The following MYBL2 variants were observed in gnomAD, a reference collection of about 807,000 sequenced individuals.
The protein encoded by MYBL2 is myb-related protein B.
A neutral mutation model predicts 79.9 loss-of-function variants in MYBL2; 28 were observed. The ratio of observed to expected loss-of-function variants is 0.35; its 90% CI spans 0.26 to 0.48. MYBL2 has a LOEUF of 0.48. Among genes scored for constraint, MYBL2 ranks in the 20% least tolerant of loss-of-function variants. The pLI is 0.99. For missense variants in MYBL2, 735 were observed against 893.9 expected (o/e 0.82, Z 2.27); for synonymous variants, 378 against 361.2 (o/e 1.05, Z -0.53).
intron 13 of MYBL2, 56 bp from the exon 14 acceptor site, chr20:43,715,903 G>T (rs1280927692): frequency 1.8e-5 from 28 of 1,550,318 alleles, no homozygotes; most frequent in Non-Finnish European, 2.4e-5. Flanking sequence ...GATCACCAGG[G>T]TCTGTTGGGA....
chr20:43,692,012 C>G, intron 5 of MYBL2, 145 bp from the exon 6 acceptor site: 1 of 691,288 alleles, frequency 1.4e-6, no homozygotes, highest in Non-Finnish European at 2.4e-6. Context: ...GAGACTTCAT[C>G]TTGGAACTGA....
chr20:43,715,848 GCT>G, intron 13 of MYBL2, 109 bp from the exon 14 acceptor site: 1 of 1,390,310 alleles, frequency 7.2e-7, no homozygotes. Context: ...GAAGGCTCTG[GCT>G]TCTAGGGGAG....
chr20:43,705,940 TCCTCCTGCCTCAGCCTC>T (rs1263550213), intron 9 of MYBL2, among the ~76,000 whole-genome samples: 11 of 152,068 alleles, frequency 7.2e-5, no homozygotes, highest in Non-Finnish European at 1.6e-4. Flanking sequence ...GACCTCGTGA[TCCTCCTGCCTCAGCCTC>T]CCAAAATGCT....
chr20:43,677,854 G>A (rs1000960639), intron 2 of MYBL2, among the ~76,000 whole-genome samples: 2 of 152,242 alleles, frequency 1.3e-5, no homozygotes, highest in Non-Finnish European at 2.9e-5. Context: ...CAGTTTTGTG[G>A]AATAGAAAGA....
chr20:43,683,365 G>A (rs192311732), intron 4 of MYBL2, among the ~76,000 whole-genome samples: 3 of 152,232 alleles, frequency 2.0e-5, no homozygotes, highest in African/African-American at 7.2e-5. Flanking sequence ...CCATTTTATA[G>A]ATGGAGAGAG....
Position 43,705,205 on chromosome 20 carries a change from CTCT to C in MYBL2, c.1366-9_1366-7del, listed in dbSNP as rs1568874722. 3.7e-6 allele frequency: 6 copies of C among 1,613,158 alleles called. No individual in the cohort carries two copies. Among genetic ancestry groups the C allele is most frequent in the Admixed American group, 1.7e-5 (1 of 59,864 alleles). Reference sequence around the variant, plus strand: ...GTCATCATTTTGTCTTGTTCCCTCTCTCTTCTTTGGCAGTTTCTGAACTTCTGG... The same window carrying C: ...GTCATCATTTTGTCTTGTTCCCTCTCTCTTTGGCAGTTTCTGAACTTCTGG... On this transcript the variant is annotated splice_polypyrimidine_tract_variant and intron_variant, in intron 8 of 13. Transcript: ENST00000217026.
Position 43,683,550 on chromosome 20 carries a change from C to CCTTTTT in MYBL2, c.279+664_279+665insCTTTTT, listed in dbSNP as rs764273305. Among the ~76,000 whole-genome samples the CCTTTTT allele has an allele frequency of 1.9e-4, 24 of 126,446 alleles. 9 individuals carry two copies. Among genetic ancestry groups the CCTTTTT allele is most frequent in the Non-Finnish European group, 1.7e-4 (10 of 59,780 alleles). 83.0% of individuals were successfully genotyped at this position (126,446 alleles called of 152,430 possible). On this transcript the variant is annotated intron_variant, in intron 4 of 13. Transcript: ENST00000217026. ...AAAGAGGGAGATGAAGGGAACTAGG[C>CCTTTTT]ATTTTTTTTTTTTTTTTTTTTGAGA...
At chr20:43,668,283 C>T (rs1568841365) in intron 1 of MYBL2, among the ~76,000 whole-genome samples, 1 of 151,212 alleles carries the variant, frequency 6.6e-6, no homozygotes, top group Non-Finnish European at 1.5e-5. Flanking sequence ...TCACTGCAAC[C>T]TCCGCCTCCC....
intron 1 of MYBL2, among the ~76,000 whole-genome samples, chr20:43,671,893 T>G (rs1032526266): frequency 6.6e-6 from 1 of 151,554 alleles, no homozygotes; most frequent in African/African-American, 2.4e-5. Flanking sequence ...TTTTTTTTTT[T>G]CCCCTACAGC....
chr20:43,686,738 A>T (rs1987283265), intron 4 of MYBL2, 114 bp from the exon 5 acceptor site: 6 of 984,970 alleles, frequency 6.1e-6, no homozygotes, highest in Non-Finnish European at 9.1e-6. Context: ...GCCTGAGGGG[A>T]TGTGGTAGGT....
intron 4 of MYBL2, among the ~76,000 whole-genome samples, chr20:43,685,813 G>A (rs1383097846): frequency 1.3e-5 from 2 of 151,900 alleles, no homozygotes; most frequent in East Asian, 2.0e-4. Flanking sequence ...CAAGTCGGGC[G>A]GATCACCTGA....
chr20:43,680,551 G>A (rs1254101315), intron 2 of MYBL2, among the ~76,000 whole-genome samples: 1 of 152,118 alleles, frequency 6.6e-6, no homozygotes, highest in Non-Finnish European at 1.5e-5. Context: ...AGGCTGGAGT[G>A]CAGTGGCATG....
Position 43,711,603 on chromosome 20 carries a change from T to G in MYBL2, c.1719+2T>G, listed in dbSNP as rs773262968. On this transcript the variant is annotated splice_donor_variant, in intron 11 of 13. Coordinates refer to ENST00000217026, the MANE Select transcript of MYBL2 (RefSeq NM_002466.4). LOFTEE classifies it high-confidence loss of function. ...GAGAAGCAGAAGAGGAAGCCTGGGG[T>G]GAGTAGGGTAGGGGTGGGAGAGCCT... 5 of 1,603,000 alleles carry G rather than the reference T, an allele frequency of 3.1e-6. No homozygotes were observed. Among genetic ancestry groups the G allele is most frequent in the Non-Finnish European group, 4.3e-6 (5 of 1,175,138 alleles).
At chr20:43,696,003 C>T (rs1040192112) in intron 6 of MYBL2, among the ~76,000 whole-genome samples, 2 of 151,944 alleles carry the variant, frequency 1.3e-5, no homozygotes, top group African/African-American at 4.8e-5. Flanking sequence ...TGGGTGACAG[C>T]AAGACTCTGT....
At chr20:43,709,252 G>A (rs899958814) in intron 9 of MYBL2, among the ~76,000 whole-genome samples, 1 of 152,144 alleles carries the variant, frequency 6.6e-6, no homozygotes, top group Non-Finnish European at 1.5e-5. Flanking sequence ...ACAAGGGTTC[G>A]TGTTTGTGGA....
chr20:43,697,058 A>C (rs2145724697), intron 6 of MYBL2, among the ~76,000 whole-genome samples: 1 of 39,618 alleles, frequency 2.5e-5, no homozygotes, highest in East Asian at 8.9e-4. Flanking sequence ...GATTGGGTAA[A>C]ATAGTGTGGA....
At chr20:43,679,853 G>T (rs1307219471) in intron 2 of MYBL2, among the ~76,000 whole-genome samples, 713 of 3,288 alleles carry the variant, frequency 0.22, 24 homozygotes, top group Admixed American at 0.36. Context: ...TGAGGATGCG[G>T]GGTGGGCTGT....
chr20:43,700,803 A>G (rs556909593), intron 7 of MYBL2, among the ~76,000 whole-genome samples: 1 of 152,228 alleles, frequency 6.6e-6, no homozygotes, highest in East Asian at 1.9e-4. Context: ...TGAGGCTCAG[A>G]GAGGTCAAGT....
At chr20:43,687,166 G>T in intron 5 of MYBL2, 94 bp downstream of exon 5, 35 of 1,320,644 alleles carry the variant, frequency 2.7e-5, no homozygotes, top group Non-Finnish European at 3.7e-5. Flanking sequence ...TTGTGGTCCT[G>T]TGCTCTTGTT....
Sources: allele counts gnomAD v4.1 joint callset (sites outside exome capture counted in the v4.1 genomes callset), GRCh38; gene constraint gnomAD v4.1.1; transcripts MANE v1.5; gene names NCBI Gene and HGNC (gene_info 2026-07-23, HGNC 2026-07-21).